GPAT3: variants seen among roughly 807,000 people sequenced by gnomAD.
GPAT3 encodes glycerol-3-phosphate acyltransferase 3.
In GPAT3, 53 loss-of-function variants were observed where a neutral mutation model predicts 58.8. That is an observed-to-expected ratio of 0.90 (90% CI 0.72 to 1.13). The LOEUF is 1.13. Among genes scored for constraint, GPAT3 ranks in the 50% most tolerant of loss-of-function variants. The pLI, the probability that GPAT3 is intolerant of heterozygous loss-of-function variation, is 0.00. For synonymous variants in GPAT3, 197 were observed against 187.4 expected (o/e 1.05, Z -0.42); for missense variants, 511 against 527.6 (o/e 0.97, Z 0.31).
At chr4:83,539,554 A>G (rs192393986) in intron 1 of GPAT3, among the ~76,000 whole-genome samples, 318 of 152,284 alleles carry the variant, frequency 2.1e-3, no homozygotes, top group African/African-American at 7.4e-3. Context: ...GATTTTGGTA[A>G]TTGTTACTTG....
At chr4:83,589,907 C>T (rs1726529364) in intron 5 of GPAT3, among the ~76,000 whole-genome samples, 1 of 152,062 alleles carries the variant, frequency 6.6e-6, no homozygotes, top group Non-Finnish European at 1.5e-5. Context: ...GCCTGGCCAA[C>T]ATGGAGAAAC....
intron 7 of GPAT3, 71 bp downstream of exon 7, chr4:83,595,031 A>T: frequency 7.4e-7 from 1 of 1,353,390 alleles, no homozygotes; most frequent in Non-Finnish European, 1.1e-6. Context: ...TTGCTACCAA[A>T]GAGGGCCGAG....
intron 9 of GPAT3, 79 bp downstream of exon 9, chr4:83,597,594 A>C (rs1726892564): frequency 8.9e-7 from 1 of 1,128,278 alleles, no homozygotes; most frequent in Non-Finnish European, 1.2e-6. Flanking sequence ...AGCATTTCAA[A>C]CTTAAAATTT....
intron 2 of GPAT3, among the ~76,000 whole-genome samples, chr4:83,566,805 T>A (rs954620010): frequency 2.7e-5 from 4 of 150,840 alleles, no homozygotes; most frequent in Non-Finnish European, 5.9e-5. Context: ...TTTTTTTTTT[T>A]CCCCATTTGT....
At chr4:83,563,009 G>C (rs2110083459) in intron 2 of GPAT3, among the ~76,000 whole-genome samples, 1 of 152,264 alleles carries the variant, frequency 6.6e-6, no homozygotes, top group East Asian at 1.9e-4. Context: ...GAGATTATTA[G>C]GGACTTCTAA....
chr4:83,568,222 G>C (rs932002316), intron 2 of GPAT3, among the ~76,000 whole-genome samples: 1 of 152,018 alleles, frequency 6.6e-6, no homozygotes, highest in Non-Finnish European at 1.5e-5. Context: ...ATGTTACTAG[G>C]GGGAGCGTGA....
At chr4:83,583,701 AGCTGG>A in intron 3 of GPAT3, among the ~76,000 whole-genome samples, 1 of 145,942 alleles carries the variant, frequency 6.9e-6, no homozygotes, top group Admixed American at 7.0e-5. Flanking sequence ...AAAAAAATGA[AGCTGG>A]GCCGGGCATA....
At position 83,604,839 on chromosome 4, in the gene GPAT3, T is replaced by C. The variant is rs1027578892; in HGVS notation, c.*72T>C. 1 of 1,213,974 alleles carries C rather than the reference T, an allele frequency of 8.2e-7. No homozygotes were observed. Among genetic ancestry groups the C allele is most frequent in the African/African-American group, 1.5e-5 (1 of 64,938 alleles). 75.2% of individuals were successfully genotyped at this position (1,213,974 alleles called of 1,614,324 possible). A position where few individuals can be genotyped will look rare whatever the true frequency, so the allele number is the denominator to read the frequency against. On this transcript the variant is annotated 3_prime_UTR_variant, in exon 12 of 12. Transcript: ENST00000264409. ...GAATGGCTTTTTTTGTTTTGTTTTG[T>C]TTTATTGTTTTGTTTTTATTATTGT... is the stretch of plus-strand genomic sequence containing the variant.
At chr4:83,551,844 C>A (rs1385884954) in intron 2 of GPAT3, among the ~76,000 whole-genome samples, 1 of 145,982 alleles carries the variant, frequency 6.9e-6, no homozygotes, top group Non-Finnish European at 1.5e-5. Flanking sequence ...ATCTATCTAT[C>A]TATCTGAAGC....
At chr4:83,575,604 C>G (rs1335344166) in intron 2 of GPAT3, among the ~76,000 whole-genome samples, 1 of 150,572 alleles carries the variant, frequency 6.6e-6, no homozygotes, top group Non-Finnish European at 1.5e-5. Flanking sequence ...TTAGTAGAGA[C>G]GGGGTTTCAC....
intron 2 of GPAT3, among the ~76,000 whole-genome samples, chr4:83,572,854 A>T (rs1159518034): frequency 5.3e-5 from 8 of 152,188 alleles, no homozygotes; most frequent in African/African-American, 1.9e-4. Context: ...ACGTCCTGGA[A>T]ATCTTAACTT....
intron 2 of GPAT3, among the ~76,000 whole-genome samples, chr4:83,546,134 G>A (rs1383045719): frequency 5.3e-5 from 8 of 152,078 alleles, no homozygotes; most frequent in East Asian, 3.9e-4. Flanking sequence ...ACAGGCGTGC[G>A]CCACCATGCC....
chr4:83,551,157 T>A (rs911432067), intron 2 of GPAT3, among the ~76,000 whole-genome samples: 1 of 152,268 alleles, frequency 6.6e-6, no homozygotes, highest in East Asian at 1.9e-4. Flanking sequence ...TTACAACCAG[T>A]GAAAATGTGG....
intron 11 of GPAT3, among the ~76,000 whole-genome samples, chr4:83,601,102 T>G (rs1206687489): frequency 6.6e-6 from 1 of 152,230 alleles, no homozygotes; most frequent in African/African-American, 2.4e-5. Flanking sequence ...AAGCATTCAC[T>G]TCACATCATT....
chr4:83,596,721 T>C, intron 7 of GPAT3, 137 bp from the exon 8 acceptor site: 1 of 674,046 alleles, frequency 1.5e-6, no homozygotes, highest in Non-Finnish European at 2.6e-6. Flanking sequence ...CAACTCAAAT[T>C]TATTTCTTTT....
intron 2 of GPAT3, among the ~76,000 whole-genome samples, chr4:83,554,046 A>G (rs1251294003): frequency 1.3e-5 from 2 of 151,918 alleles, no homozygotes; most frequent in Non-Finnish European, 2.9e-5. Flanking sequence ...GCTAGAGTGC[A>G]GTGGTAAGGA....
At chr4:83,589,819 C>T (rs552415067) in intron 5 of GPAT3, among the ~76,000 whole-genome samples, 6 of 152,202 alleles carry the variant, frequency 3.9e-5, no homozygotes, top group Non-Finnish European at 7.4e-5. Flanking sequence ...AGACCAGGCA[C>T]GGTGGCTTAT....
intron 8 of GPAT3, 52 bp from the exon 9 acceptor site, chr4:83,597,378 T>A (rs1398599157): frequency 1.0e-6 from 1 of 981,670 alleles, no homozygotes; most frequent in Non-Finnish European, 1.4e-6. Flanking sequence ...AATTTATTTT[T>A]AAAATGACTG....
At position 83,593,307 on chromosome 4, in the gene GPAT3, G is replaced by A. The variant is rs1420470109; in HGVS notation, c.739-1538G>A. ...AGCCTCCCAAGTAGCTGGGATTACAGGTGACCATCACCACACCCAGCTAAT... is the reference window on the plus strand; with the variant it reads ...AGCCTCCCAAGTAGCTGGGATTACAAGTGACCATCACCACACCCAGCTAAT... On this transcript the variant is annotated intron_variant, in intron 6 of 11. Coordinates refer to ENST00000264409, the MANE Select transcript of GPAT3 (RefSeq NM_032717.5). Among the ~76,000 whole-genome samples the A allele has an allele frequency of 2.6e-5, 4 of 151,628 alleles. No homozygotes were observed. In the East Asian group the frequency reaches 7.8e-4, roughly 29 times the overall value.
Sources: gnomAD v4.1 joint callset for allele counts (sites outside exome capture counted in the v4.1 genomes callset) on GRCh38, gnomAD v4.1.1 for gene constraint, MANE v1.5 for transcripts, NCBI Gene and HGNC (gene_info 2026-07-23, HGNC 2026-07-21) for gene names.